Variants in TMEM232 observed in about 807,000 individuals in gnomAD.
TMEM232 encodes the protein transmembrane protein 232.
TMEM232 carries 80 observed loss-of-function variants against 78.8 expected under a neutral mutation model. The ratio of observed to expected loss-of-function variants is 1.01; its 90% CI spans 0.85 to 1.22. TMEM232 has a LOEUF of 1.22. Ranked by LOEUF, TMEM232 falls within the 50% of genes most tolerant of loss-of-function variation. The pLI, the probability that TMEM232 is intolerant of heterozygous loss-of-function variation, is 0.00. For synonymous variants in TMEM232, 297 were observed against 254.3 expected (o/e 1.17, Z -1.60); for missense variants, 881 against 742.2 (o/e 1.19, Z -2.17).
rs145341505 is a variant in TMEM232 at position 110,608,256 on chromosome 5, T to A, written c.903-1969A>T. On this transcript the variant is annotated intron_variant, in intron 8 of 13. Coordinates refer to ENST00000455884, the MANE Select transcript of TMEM232 (RefSeq NM_001039763.4). ...TTATTGTGAGATTTGAATGAAATAC[T>A]CTATGTAAAATGACAAGGTTCAGAA... is the stretch of plus-strand genomic sequence containing the variant. Among the ~76,000 whole-genome samples the A allele has an allele frequency of 1.5e-4, 23 of 152,058 alleles. 1 individual carries two copies. In the East Asian group the frequency reaches 4.1e-3, roughly 27 times the overall value.
chr5:110,702,297 C>T (rs900929284), intron 1 of TMEM232, among the ~76,000 whole-genome samples: 4 of 151,966 alleles, frequency 2.6e-5, no homozygotes, highest in Middle Eastern at 3.2e-3. Context: ...CAGTATAGTC[C>T]TATTTTCTTA....
At chr5:110,563,874 T>A (rs748198018) in intron 11 of TMEM232, among the ~76,000 whole-genome samples, 7 of 152,002 alleles carry the variant, frequency 4.6e-5, no homozygotes, top group Non-Finnish European at 8.8e-5. Flanking sequence ...GGCAGCTCTG[T>A]GATTGTCTTT....
intron 3 of TMEM232, among the ~76,000 whole-genome samples, chr5:110,393,834 T>A (rs569264468): frequency 6.6e-6 from 1 of 151,702 alleles, no homozygotes; most frequent in South Asian, 2.1e-4. Flanking sequence ...GGCGGGCACC[T>A]GTAATCCCAG....
At chr5:110,732,097 C>T (rs1798726163) in intron 2 of TMEM232, among the ~76,000 whole-genome samples, 2 of 152,218 alleles carry the variant, frequency 1.3e-5, no homozygotes, top group Admixed American at 1.3e-4. Context: ...CCACTAGTCT[C>T]TTTGCTGAAA....
At chr5:110,443,943 A>G (rs568157806) in intron 12 of TMEM232, among the ~76,000 whole-genome samples, 1 of 152,276 alleles carries the variant, frequency 6.6e-6, no homozygotes, top group South Asian at 2.1e-4. Context: ...ACTGTGGCTG[A>G]GCTGGTATGC....
intron 4 of TMEM232, 132 bp from the exon 5 acceptor site, chr5:110,638,487 T>C (rs1259926151): frequency 1.2e-6 from 1 of 866,014 alleles, no homozygotes; most frequent in African/African-American, 1.7e-5. Context: ...TTACAAATTC[T>C]CTTTGACACC....
At chr5:110,658,211 G>C (rs6594468) in intron 2 of TMEM232, among the ~76,000 whole-genome samples, 1 of 152,068 alleles carries the variant, frequency 6.6e-6, no homozygotes, top group Non-Finnish European at 1.5e-5. Context: ...AATATCCTCT[G>C]TCATCCTGAT....
chr5:110,507,437 A>T (rs2149458530), intron 12 of TMEM232, among the ~76,000 whole-genome samples: 1 of 152,296 alleles, frequency 6.6e-6, no homozygotes, highest in East Asian at 1.9e-4. Flanking sequence ...CTACTGCAAT[A>T]TACCGTTAGG....
chr5:110,441,827 C>T (rs74673433), intron 12 of TMEM232, among the ~76,000 whole-genome samples: 5,911 of 152,204 alleles, frequency 0.039, 173 homozygotes, highest in Non-Finnish European at 0.055. Context: ...CCCAGTTTTA[C>T]TGGGATGGTC....
At chr5:110,552,683 T>C (rs774519683) in intron 11 of TMEM232, among the ~76,000 whole-genome samples, 1 of 152,176 alleles carries the variant, frequency 6.6e-6, no homozygotes, top group African/African-American at 2.4e-5. Context: ...TTCAAGCTTA[T>C]ATATTCATAT....
chr5:110,427,626 A>G (rs899413502), intron 12 of TMEM232, among the ~76,000 whole-genome samples: 4 of 151,948 alleles, frequency 2.6e-5, no homozygotes, highest in African/African-American at 9.7e-5. Context: ...AGGAAAAAAA[A>G]TTCTAAATCA....
chr5:110,464,307 T>C (rs985381141), intron 12 of TMEM232, among the ~76,000 whole-genome samples: 2 of 152,182 alleles, frequency 1.3e-5, no homozygotes, highest in African/African-American at 4.8e-5. Flanking sequence ...AATAAAGTCT[T>C]GTATTGTTTC....
chr5:110,573,609 A>G (rs553975149), intron 10 of TMEM232, among the ~76,000 whole-genome samples: 1 of 152,132 alleles, frequency 6.6e-6, no homozygotes, highest in African/African-American at 2.4e-5. Flanking sequence ...GAAAGTAAGT[A>G]TAACAGTATC....
chr5:110,506,343 T>C (rs913950034), intron 12 of TMEM232, among the ~76,000 whole-genome samples: 5 of 152,198 alleles, frequency 3.3e-5, no homozygotes, highest in Non-Finnish European at 5.9e-5. Flanking sequence ...ATTTTTAAAA[T>C]CTACTTGAGT....
At chr5:110,553,529 T>C (rs1414799638) in intron 11 of TMEM232, among the ~76,000 whole-genome samples, 3 of 152,164 alleles carry the variant, frequency 2.0e-5, no homozygotes, top group African/African-American at 4.8e-5. Flanking sequence ...TTAGCTTAGA[T>C]ATTATTGGTG....
At chr5:110,714,683 A>T (rs945645903) in intron 1 of TMEM232, among the ~76,000 whole-genome samples, 2 of 152,224 alleles carry the variant, frequency 1.3e-5, no homozygotes, top group Admixed American at 6.5e-5. Context: ...TACCAAATAG[A>T]ATTCAAATTA....
At chr5:110,428,658 T>C (rs867787897) in intron 12 of TMEM232, among the ~76,000 whole-genome samples, 45 of 151,280 alleles carry the variant, frequency 3.0e-4, no homozygotes, top group Admixed American at 7.3e-4. Context: ...TTTTTTTTTT[T>C]CCCCAGAAGA....
At chr5:110,595,591 G>A (rs1257743857) in intron 10 of TMEM232, among the ~76,000 whole-genome samples, 4 of 152,162 alleles carry the variant, frequency 2.6e-5, no homozygotes, top group South Asian at 4.1e-4. Flanking sequence ...ATGACCTGAT[G>A]GAGCTGAAAA....
At chr5:110,721,507 ATAAG>A (rs1378076068) in intron 1 of TMEM232, among the ~76,000 whole-genome samples, 4 of 151,070 alleles carry the variant, frequency 2.6e-5, no homozygotes, top group African/African-American at 9.7e-5. Context: ...AGAGTACCTC[ATAAG>A]TAAGAACTGT....
Sources: allele counts gnomAD v4.1 joint callset (sites outside exome capture counted in the v4.1 genomes callset), GRCh38; gene constraint gnomAD v4.1.1; transcripts MANE v1.5; gene names NCBI Gene and HGNC (gene_info 2026-07-23, HGNC 2026-07-21).